The following CMTM5 variants were observed in gnomAD, a reference collection of about 807,000 sequenced individuals.
CMTM5 encodes the protein CKLF like MARVEL transmembrane domain containing 5.
A neutral mutation model predicts 26.9 loss-of-function variants in CMTM5; 25 were observed. The ratio of observed to expected loss-of-function variants is 0.93; its 90% CI spans 0.68 to 1.30. The LOEUF is 1.30. Ranked by LOEUF, CMTM5 falls within the 50% of genes most tolerant of loss-of-function variation. The probability of loss-of-function intolerance (pLI) is 0.00; values close to 1 mark genes in which losing one functional copy is unlikely to be tolerated. For missense variants in CMTM5, 292 were observed against 289.6 expected (o/e 1.01, Z -0.06); for synonymous variants, 98 against 115.5 (o/e 0.85, Z 0.97).
In CMTM5 at chr14:23,377,438, T is replaced by G; in HGVS notation, c.126+61T>G. ...CCTGACCCCCGGCTCCTGGCCAGCCTTATGCCAGCCCCCAGCTCACCCTTC... is the reference window on the plus strand; with the variant it reads ...CCTGACCCCCGGCTCCTGGCCAGCCGTATGCCAGCCCCCAGCTCACCCTTC... On this transcript the variant is annotated intron_variant, in intron 1 of 5. Transcript: ENST00000339180. The surrounding 1 kb of genome is among the most constrained non-coding windows in gnomAD (Gnocchi z 4.6). 1 of 1,496,484 alleles carries G rather than the reference T, an allele frequency of 6.7e-7. No homozygotes were observed. Among genetic ancestry groups the G allele is most frequent in the Non-Finnish European group, 8.9e-7 (1 of 1,125,132 alleles). The allele number at this position is 1,496,484 out of a possible 1,614,324, so 92.7% of individuals were successfully genotyped here. A position where few individuals can be genotyped will look rare whatever the true frequency, so the allele number is the denominator to read the frequency against.
rs1029599034 is a variant in CMTM5 at position 23,377,105 on chromosome 14, C to G, written c.-147C>G. On this transcript the variant is annotated 5_prime_UTR_variant, in exon 1 of 6. Coordinates refer to ENST00000339180, the MANE Select transcript of CMTM5 (RefSeq NM_001288746.2). This position sits in a 1 kb window ranked among gnomAD's most constrained non-coding sequence, Gnocchi z 4.6. The stretch of plus-strand genomic sequence containing the variant: ...AGGCCCCCAGCGCCTGCCTTCTCTC[C>G]CGGGGCCCTGTGGGCAAGCCTCCTG... 3 of 1,142,606 alleles carry G rather than the reference C, an allele frequency of 2.6e-6. No homozygotes were observed. The highest frequency in any genetic ancestry group is 3.7e-6 in the Non-Finnish European group (3 of 807,396). 70.8% of individuals were successfully genotyped at this position (1,142,606 alleles called of 1,614,324 possible).
chr14:23,378,630 G>A lies in CMTM5; in HGVS notation c.280-39G>A. The A allele has an allele frequency of 6.2e-7, 1 of 1,610,308 alleles. No individual in the cohort carries two copies. The highest frequency in any genetic ancestry group is 1.1e-5 in the South Asian group (1 of 90,994). On this transcript the variant is annotated intron_variant, in intron 2 of 5. Coordinates refer to ENST00000339180, the MANE Select transcript of CMTM5 (RefSeq NM_001288746.2). This position sits in a 1 kb window ranked among gnomAD's most constrained non-coding sequence, Gnocchi z 4.2. ...TGGGCTTTGTCCCATGCTATGCCCT[G>A]CACTCAAAGGTGTGCTTTGACTCAC...
Position 23,377,681 on chromosome 14 carries a change from T to G in CMTM5, c.126+304T>G. 3.2e-6 allele frequency: 1 copy of G among 312,532 alleles called. No individual in the cohort carries two copies. Among genetic ancestry groups the G allele is most frequent in the Non-Finnish European group, 5.9e-6 (1 of 170,296 alleles). The allele number at this position is 312,532 out of a possible 1,614,324, so 19.4% of individuals were successfully genotyped here. On this transcript the variant is annotated intron_variant, in intron 1 of 5. Coordinates refer to ENST00000339180, the MANE Select transcript of CMTM5 (RefSeq NM_001288746.2). The surrounding 1 kb of genome is among the most constrained non-coding windows in gnomAD (Gnocchi z 4.6). ...ACAGGGGCAATGACAGCCTCTAACA[T>G]GGCCACTTCTCAGCACGTCCAAGAA...
At position 23,377,604 on chromosome 14, in the gene CMTM5, TAGAC is replaced by T. The variant is rs1890628780; in HGVS notation, c.126+230_126+233del. ...CAGTTGCAGCAGGAAGGACTGCAGT[TAGAC>T]AGGGTGACTTTTTGGGACATTGAGG... On this transcript the variant is annotated intron_variant, in intron 1 of 5. Coordinates refer to ENST00000339180, the MANE Select transcript of CMTM5 (RefSeq NM_001288746.2). This position sits in a 1 kb window ranked among gnomAD's most constrained non-coding sequence, Gnocchi z 4.6. 1 of 468,396 alleles carries T rather than the reference TAGAC, an allele frequency of 2.1e-6. No homozygotes were observed. The highest frequency in any genetic ancestry group is 3.7e-6 in the Non-Finnish European group (1 of 271,162). 29.0% of individuals were successfully genotyped at this position (468,396 alleles called of 1,614,324 possible).
At position 23,378,380 on chromosome 14, in the gene CMTM5, C is replaced by A; in HGVS notation, c.158C>A (p.Thr53Lys). 6.2e-7 allele frequency: 1 copy of A among 1,614,098 alleles called. No individual in the cohort carries two copies. Among genetic ancestry groups the A allele is most frequent in the Non-Finnish European group, 8.5e-7 (1 of 1,179,994 alleles). ...ALTLIIFICF[T>K]ASISAYMAAA... ...ACCCTCATCATCTTCATCTGCTTCA[C>A]GGCCTCCATCTCTGCCTACATGGCC... Residue 53 changes from threonine to lysine, a missense_variant, in exon 2 of 6, where the codon ACG (threonine) becomes AAG (lysine). Coordinates refer to ENST00000339180, the MANE Select transcript of CMTM5 (RefSeq NM_001288746.2). The surrounding 1 kb of genome is among the most constrained non-coding windows in gnomAD (Gnocchi z 4.2).
intron 5 of CMTM5, 33 bp from the exon 6 acceptor site, chr14:23,379,441 G>A (rs1250123608): frequency 1.2e-6 from 2 of 1,614,100 alleles, no homozygotes; most frequent in Non-Finnish European, 1.7e-6. Context: ...TACCCATCCT[G>A]ATGTGGGTCC....
Position 23,377,156 on chromosome 14 carries a change from C to T in CMTM5, c.-96C>T. On this transcript the variant is annotated 5_prime_UTR_variant, in exon 1 of 6. Transcript: ENST00000339180. The surrounding 1 kb of genome is among the most constrained non-coding windows in gnomAD (Gnocchi z 4.6). The stretch of plus-strand genomic sequence containing the variant: ...CTTCACTTTCAGGTTTCTCGAAGTG[C>T]CTTCTTGCTCCTGTCTGTTTCCCCA... 6.6e-7 allele frequency: 1 copy of T among 1,511,890 alleles called. No individual in the cohort carries two copies. The highest frequency in any genetic ancestry group is 9.0e-7 in the Non-Finnish European group (1 of 1,116,886). 93.7% of individuals were successfully genotyped at this position (1,511,890 alleles called of 1,614,324 possible).
rs775522723 is a variant in CMTM5, at chr14:23,378,780, C to T, written c.391C>T (p.Pro131Ser). The T allele has an allele frequency of 6.2e-7, 1 of 1,612,496 alleles. No homozygotes were observed. The highest frequency in any genetic ancestry group is 2.2e-5 in the East Asian group (1 of 44,874). Reference sequence around the variant, plus strand: ...CTTGACCCCCCCGGGCTGGCATACTCCAGCCGCTGTCCCCTGGGTTCCAGC... The same window carrying T: ...CTTGACCCCCCCGGGCTGGCATACTTCAGCCGCTGTCCCCTGGGTTCCAGC... ...PGLTPPGWHT[P>S]AAVPWVPAPA... Residue 131 changes from proline (P) to serine (S), a missense_variant, in exon 3 of 6, where the codon CCA (proline) becomes TCA (serine). Coordinates refer to ENST00000339180, the MANE Select transcript of CMTM5 (RefSeq NM_001288746.2). The surrounding 1 kb of genome is among the most constrained non-coding windows in gnomAD (Gnocchi z 4.2).
chr14:23,377,359 C>A lies in CMTM5; in HGVS notation c.108C>A (p.Ile36=), dbSNP rs748089239. ...DKAFLTSHKG[I]LLETELALTL... ...CCTTCCTCACCTCCCACAAGGGCAT[C>A]CTGCTGGAAACCGAGCTGGTAACAG... Residue 36 remains isoleucine, a synonymous_variant, in exon 1 of 6, where the codon ATC becomes ATA. Transcript: ENST00000339180. This position sits in a 1 kb window ranked among gnomAD's most constrained non-coding sequence, Gnocchi z 4.6. The A allele has an allele frequency of 1.1e-5, 18 of 1,595,360 alleles. No homozygotes were observed. The South Asian group carries it at 1.7e-4, about 15-fold the overall frequency.
Position 23,379,586 on chromosome 14 carries a change from C to T in CMTM5, c.*99C>T. On this transcript the variant is annotated 3_prime_UTR_variant, in exon 6 of 6. Transcript: ENST00000339180. ...TCACTAGCCCCCAGCCCGCCAAACC[C>T]CACCCCAGCCCTACACAGCAGTCTG... The T allele has an allele frequency of 1.3e-6, 2 of 1,566,160 alleles. No individual in the cohort carries two copies. The highest frequency in any genetic ancestry group is 1.7e-6 in the Non-Finnish European group (2 of 1,162,238).
chr14:23,379,185 TTCTG>T, intron 4 of CMTM5, 62 bp downstream of exon 4: 2 of 1,600,484 alleles, frequency 1.2e-6, no homozygotes, highest in Non-Finnish European at 1.7e-6. Flanking sequence ...CTTGCACACT[TTCTG>T]TATCAGAAGC....
Position 23,378,734 on chromosome 14 carries a change from C to A in CMTM5, c.345C>A (p.Val115=), listed in dbSNP as rs772122390. The A allele has an allele frequency of 1.9e-6, 3 of 1,612,566 alleles. No homozygotes were observed. In the South Asian group the frequency reaches 3.3e-5, roughly 18 times the overall value. Residue 115 remains valine, a synonymous_variant, in exon 3 of 6, where the codon GTC becomes GTA. Transcript: ENST00000339180. This position sits in a 1 kb window ranked among gnomAD's most constrained non-coding sequence, Gnocchi z 4.2. The part of the protein sequence containing the change: ...PLDLLSHSAK[V]QPQPWPGLTP... Reference sequence around the variant, plus strand: ...ATCTACTCTCCCACTCAGCAAAGGTCCAGCCCCAGCCCTGGCCTGGCTTGA... The same window carrying A: ...ATCTACTCTCCCACTCAGCAAAGGTACAGCCCCAGCCCTGGCCTGGCTTGA...
Position 23,378,947 on chromosome 14 carries a change from C to G in CMTM5, c.480+78C>G, listed in dbSNP as rs1483891273. The G allele has an allele frequency of 6.2e-7, 1 of 1,602,794 alleles. No homozygotes were observed. The highest frequency in any genetic ancestry group is 1.3e-5 in the African/African-American group (1 of 74,678). ...GGAGGGGTTCAGAATCCCTCAGGGTCGGGCTGCTGGCTAGCCTGGAAAACT... is the reference window on the plus strand; with the variant it reads ...GGAGGGGTTCAGAATCCCTCAGGGTGGGGCTGCTGGCTAGCCTGGAAAACT... On this transcript the variant is annotated intron_variant, in intron 3 of 5. Transcript: ENST00000339180. This position sits in a 1 kb window ranked among gnomAD's most constrained non-coding sequence, Gnocchi z 4.2.
Position 23,377,986 on chromosome 14 carries a change from G to C in CMTM5, c.127-363G>C. 1 of 241,686 alleles carries C rather than the reference G, an allele frequency of 4.1e-6. No individual in the cohort carries two copies. The highest frequency in any genetic ancestry group is 7.9e-6 in the Non-Finnish European group (1 of 126,250). The allele number at this position is 241,686 out of a possible 1,614,324, so 15.0% of individuals were successfully genotyped here. ...TCTGGGGGTGGGGAAAGCATTATGA[G>C]GCAGGGGGCTCCTCTTGGTCCCTGT... is the stretch of plus-strand genomic sequence containing the variant. On this transcript the variant is annotated intron_variant, in intron 1 of 5. Transcript: ENST00000339180. This position sits in a 1 kb window ranked among gnomAD's most constrained non-coding sequence, Gnocchi z 4.6.
At position 23,379,279 on chromosome 14, in the gene CMTM5, CCCCACT is replaced by C. The variant is rs749583743; in HGVS notation, c.574-8_574-3del. ...GGCCCTATAGCCTCTGTTTTGCCATCCCCACTCCCACTCCCACAGGTTTTTGGCATC... is the reference window on the plus strand; with the variant it reads ...GGCCCTATAGCCTCTGTTTTGCCATCCCCACTCCCACAGGTTTTTGGCATC... On this transcript the variant is annotated splice_polypyrimidine_tract_variant and intron_variant, in intron 4 of 5. Coordinates refer to ENST00000339180, the MANE Select transcript of CMTM5 (RefSeq NM_001288746.2). 1 of 1,613,788 alleles carries C rather than the reference CCCCACT, an allele frequency of 6.2e-7. No individual in the cohort carries two copies. Among genetic ancestry groups the C allele is most frequent in the Admixed American group, 1.7e-5 (1 of 59,998 alleles).
chr14:23,379,675 A>T lies in CMTM5; in HGVS notation c.*188A>T. ...TGCTCCAGGATGTGGCTTCTCATGA[A>T]GCTCTGGCCAGAGGAGGGGAACTTA... On this transcript the variant is annotated 3_prime_UTR_variant, in exon 6 of 6. Coordinates refer to ENST00000339180, the MANE Select transcript of CMTM5 (RefSeq NM_001288746.2). The T allele has an allele frequency of 1.7e-6, 2 of 1,181,314 alleles. No individual in the cohort carries two copies. The highest frequency in any genetic ancestry group is 2.8e-5 in the Admixed American group (1 of 35,696). 73.2% of individuals were successfully genotyped at this position (1,181,314 alleles called of 1,614,324 possible). A position where few individuals can be genotyped will look rare whatever the true frequency, so the allele number is the denominator to read the frequency against.
Position 23,377,130 on chromosome 14 carries a change from G to T in CMTM5, c.-122G>T. 7.2e-7 allele frequency: 1 copy of T among 1,379,728 alleles called. No individual in the cohort carries two copies. Among genetic ancestry groups the T allele is most frequent in the Non-Finnish European group, 9.9e-7 (1 of 1,008,850 alleles). 85.5% of individuals were successfully genotyped at this position (1,379,728 alleles called of 1,614,324 possible). A position where few individuals can be genotyped will look rare whatever the true frequency, so the allele number is the denominator to read the frequency against. ...CCGGGGCCCTGTGGGCAAGCCTCCT[G>T]CTTCACTTTCAGGTTTCTCGAAGTG... On this transcript the variant is annotated 5_prime_UTR_variant, in exon 1 of 6. Transcript: ENST00000339180. The surrounding 1 kb of genome is among the most constrained non-coding windows in gnomAD (Gnocchi z 4.6).
At position 23,379,699 on chromosome 14, in the gene CMTM5, T is replaced by A; in HGVS notation, c.*212T>A. On this transcript the variant is annotated 3_prime_UTR_variant, in exon 6 of 6. Coordinates refer to ENST00000339180, the MANE Select transcript of CMTM5 (RefSeq NM_001288746.2). ...AAGCTCTGGCCAGAGGAGGGGAACT[T>A]ATTGGGGGAGGGGGGGTGGAGGGGA... 1 of 1,171,386 alleles carries A rather than the reference T, an allele frequency of 8.5e-7. No individual in the cohort carries two copies. The highest frequency in any genetic ancestry group is 1.1e-6 in the Non-Finnish European group (1 of 870,182). 72.6% of individuals were successfully genotyped at this position (1,171,386 alleles called of 1,614,324 possible). A position where few individuals can be genotyped will look rare whatever the true frequency, so the allele number is the denominator to read the frequency against.
rs1237771618 is a variant in CMTM5 at position 23,379,350 on chromosome 14, T to C, written c.625T>C (p.Tyr209His). 1 of 1,614,194 alleles carries C rather than the reference T, an allele frequency of 6.2e-7. No individual in the cohort carries two copies. The highest frequency in any genetic ancestry group is 8.5e-7 in the Non-Finnish European group (1 of 1,180,012). ...CTTTGCCTATGATGCCTTCAAGATC[T>C]ACCGGACTGAGATGGCACCCGGGGC... ...SIFAYDAFKI[Y>H]RTEMAPGASQ... The change falls in exon 5 of 6, where the codon TAC (tyrosine) becomes CAC (histidine). Residue 209 changes from tyrosine to histidine, a missense_variant. By Grantham distance (83) the Tyr-to-His change is moderately conservative. Transcript: ENST00000339180.
Sources: allele counts gnomAD v4.1 joint callset, GRCh38; gene constraint gnomAD v4.1.1; non-coding constraint Gnocchi (gnomAD v3.1); transcripts MANE v1.5; gene names NCBI Gene and HGNC (gene_info 2026-07-23, HGNC 2026-07-21).